Variants in TBCK observed in about 807,000 individuals in gnomAD.
TBCK encodes the protein TBC1 domain containing kinase, also known as TBC domain-containing protein kinase-like protein.
Under a neutral mutation model 113.4 loss-of-function variants are expected in TBCK, and 99 were observed. The ratio of observed to expected loss-of-function variants is 0.87; its 90% confidence interval spans 0.74 to 1.03. The LOEUF (loss-of-function observed/expected upper bound fraction) is 1.03, where lower values mean the gene tolerates loss of function less well. Ranked by LOEUF, TBCK falls within the 50% of genes least tolerant of loss-of-function variation. The pLI is 0.00. For missense variants in TBCK, 1,045 were observed against 1,061.3 expected (o/e 0.98, Z 0.21); for synonymous variants, 369 against 370.8 (o/e 1.00, Z 0.05).
chr4:106,075,625 T>A (rs960805484), intron 25 of TBCK, among the ~76,000 whole-genome samples: 1 of 152,244 alleles, frequency 6.6e-6, no homozygotes, highest in African/African-American at 2.4e-5. Context: ...TTTAATTGAT[T>A]ATTTAATGAA....
intron 23 of TBCK, among the ~76,000 whole-genome samples, chr4:106,125,168 G>A (rs186951401): frequency 3.3e-5 from 5 of 152,120 alleles, no homozygotes; most frequent in Admixed American, 2.6e-4. Flanking sequence ...CAGCATGGAG[G>A]TTCCTCAAAA....
At chr4:106,209,130 T>A (rs549569916) in intron 20 of TBCK, among the ~76,000 whole-genome samples, 1 of 152,316 alleles carries the variant, frequency 6.6e-6, no homozygotes, top group South Asian at 2.1e-4. Context: ...ACTATACAAA[T>A]CAATATTACT....
chr4:106,160,905 AT>A (rs1157164256), intron 23 of TBCK, among the ~76,000 whole-genome samples: 1 of 152,096 alleles, frequency 6.6e-6, no homozygotes. Flanking sequence ...AAAATGTGGT[AT>A]ATATACAAAA....
At chr4:106,253,901 G>A (rs1257422996) in intron 5 of TBCK, among the ~76,000 whole-genome samples, 6 of 152,148 alleles carry the variant, frequency 3.9e-5, no homozygotes, top group African/African-American at 9.7e-5. Flanking sequence ...CATAGTAAGG[G>A]CATAGCTGGA....
At chr4:106,105,015 T>C (rs1741977348) in intron 24 of TBCK, among the ~76,000 whole-genome samples, 1 of 152,238 alleles carries the variant, frequency 6.6e-6, no homozygotes, top group East Asian at 1.9e-4. Context: ...ATCGAGCCAG[T>C]GCGAACTCAG....
chr4:106,122,811 G>A (rs1363990745), intron 23 of TBCK, among the ~76,000 whole-genome samples: 1 of 152,058 alleles, frequency 6.6e-6, no homozygotes, highest in Non-Finnish European at 1.5e-5. Context: ...AAAAGCCTTT[G>A]ACAAAATTCA....
At position 106,258,940 on chromosome 4, in the gene TBCK, G is replaced by A. The variant is rs183077466; in HGVS notation, c.455+1497C>T. ...TACCATTTTCATGCTTATGAAACAAGAATTGGTTTTTGCCTGTAAGTTTTC... is the reference window on the plus strand; with the variant it reads ...TACCATTTTCATGCTTATGAAACAAAAATTGGTTTTTGCCTGTAAGTTTTC... On this transcript the variant is annotated intron_variant, in intron 5 of 25. Coordinates refer to ENST00000394708, the MANE Select transcript of TBCK (RefSeq NM_001163435.3). 4.7e-3 allele frequency among the ~76,000 whole-genome samples: 721 copies of A among 151,922 alleles called. 4 individuals carry two copies. Among genetic ancestry groups the A allele is most frequent in the Admixed American group, 0.01 (159 of 15,270 alleles).
chr4:106,302,277 T>C (rs1465681418), intron 2 of TBCK, among the ~76,000 whole-genome samples: 1 of 152,186 alleles, frequency 6.6e-6, no homozygotes, highest in Non-Finnish European at 1.5e-5. Context: ...TGGACAGGGC[T>C]AACGGGACTA....
intron 24 of TBCK, among the ~76,000 whole-genome samples, chr4:106,109,992 G>A (rs1389376428): frequency 6.6e-6 from 1 of 151,516 alleles, no homozygotes; most frequent in Non-Finnish European, 1.5e-5. Flanking sequence ...CATAACAAGG[G>A]GATATAAAGG....
chr4:106,305,432 A>G (rs1034495842), intron 2 of TBCK, among the ~76,000 whole-genome samples: 11 of 152,090 alleles, frequency 7.2e-5, no homozygotes, highest in African/African-American at 2.7e-4. Context: ...ATAAAACATA[A>G]CAGACAGAAG....
intron 23 of TBCK, among the ~76,000 whole-genome samples, chr4:106,121,357 C>T (rs1160867191): frequency 2.0e-5 from 3 of 146,662 alleles, no homozygotes; most frequent in Non-Finnish European, 4.5e-5. Context: ...AATACAGGAG[C>T]ACCCAGATTC....
At chr4:106,260,860 G>A (rs2150095975) in intron 4 of TBCK, among the ~76,000 whole-genome samples, 1 of 152,034 alleles carries the variant, frequency 6.6e-6, no homozygotes, top group Non-Finnish European at 1.5e-5. Flanking sequence ...TGGTTAGAAT[G>A]TTTTGTGGTA....
At chr4:106,052,126 G>C (rs972536141) in intron 25 of TBCK, among the ~76,000 whole-genome samples, 1 of 151,460 alleles carries the variant, frequency 6.6e-6, no homozygotes, top group Non-Finnish European at 1.5e-5. Context: ...CATTATATAA[G>C]GTATAAAACT....
rs768482051 is a variant in TBCK, at chr4:106,116,414, A to C, written c.2236-36T>G. 4.3e-5 allele frequency: 66 copies of C among 1,543,348 alleles called. No individual in the cohort carries two copies. In the Middle Eastern group the frequency reaches 1.2e-3, roughly 28 times the overall value. ...AAATGTACAAAAAAAAATATTGAGA[A>C]TATTATAGAAAAACAAATTATCCCC... is the stretch of plus-strand genomic sequence containing the variant. On this transcript the variant is annotated intron_variant, in intron 23 of 25. Coordinates refer to ENST00000394708, the MANE Select transcript of TBCK (RefSeq NM_001163435.3).
At chr4:106,163,098 G>A (rs917934564) in intron 23 of TBCK, among the ~76,000 whole-genome samples, 1 of 152,086 alleles carries the variant, frequency 6.6e-6, no homozygotes, top group African/African-American at 2.4e-5. Context: ...CAAGTTCAAA[G>A]TTCCACATAT....
chr4:106,272,820 G>C (rs1763640310), intron 3 of TBCK, among the ~76,000 whole-genome samples: 1 of 152,032 alleles, frequency 6.6e-6, no homozygotes, highest in Non-Finnish European at 1.5e-5. Flanking sequence ...TACAGTTAAG[G>C]GTATTTTGCA....
intron 24 of TBCK, among the ~76,000 whole-genome samples, chr4:106,110,371 G>C (rs1742700130): frequency 6.6e-6 from 1 of 152,224 alleles, no homozygotes; most frequent in South Asian, 2.1e-4. Context: ...AAGGTGAAAA[G>C]ACTGCGCAGT....
At chr4:106,130,916 T>A (rs1216573354) in intron 23 of TBCK, among the ~76,000 whole-genome samples, 5 of 152,160 alleles carry the variant, frequency 3.3e-5, no homozygotes, top group African/African-American at 1.2e-4. Context: ...AGGTAATAGA[T>A]CTGGCACTGA....
At chr4:106,209,450 T>A (rs957320378) in intron 20 of TBCK, among the ~76,000 whole-genome samples, 13 of 152,166 alleles carry the variant, frequency 8.5e-5, no homozygotes, top group African/African-American at 3.1e-4. Flanking sequence ...TCTTTTTAAA[T>A]TTATGTTTTA....
Sources: gnomAD v4.1 joint callset for allele counts (sites outside exome capture counted in the v4.1 genomes callset) on GRCh38, gnomAD v4.1.1 for gene constraint, MANE v1.5 for transcripts, NCBI Gene and HGNC (gene_info 2026-07-23, HGNC 2026-07-21) for gene names.